HDAC8: variants seen among roughly 807,000 people sequenced by gnomAD.
HDAC8 encodes histone deacetylase 8.
Under a neutral mutation model 32.2 loss-of-function variants are expected in HDAC8, and 1 was observed. The ratio of observed to expected loss-of-function variants is 0.03; its 90% CI spans 0.01 to 0.15. The LOEUF (loss-of-function observed/expected upper bound fraction) is 0.15, where lower values mean the gene tolerates loss of function less well. Among genes scored for constraint, HDAC8 ranks in the 10% least tolerant of loss-of-function variants. The pLI is 1.00. For synonymous variants in HDAC8, 108 were observed against 113.9 expected, an observed-to-expected ratio of 0.95 and a Z score of 0.33; for missense variants, 117 against 300.0, an observed-to-expected ratio of 0.39 and a Z score of 4.51.
chrX:72,488,979 T>C lies in HDAC8; in HGVS notation c.691A>G (p.Ile231Val). The C allele has an allele frequency of 3.3e-6, 4 of 1,198,788 alleles. No individual in the cohort carries two copies. Among genetic ancestry groups the C allele is most frequent in the Non-Finnish European group, 4.5e-6 (4 of 889,399 alleles). ...KGRYYSVNVP[I>V]QDGIQDEKYY... Reference sequence around the variant, plus strand: ...TTTTCATCTTGTATGCCATCCTGAATGGGCACATTTACACTGTAGTACCGT... The same window carrying C: ...TTTTCATCTTGTATGCCATCCTGAACGGGCACATTTACACTGTAGTACCGT... Residue 231 changes from isoleucine (I) to valine (V), a missense_variant, in exon 7 of 11, where the codon ATT becomes GTT. Coordinates refer to ENST00000373573, the MANE Select transcript of HDAC8 (RefSeq NM_018486.3).
At chrX:72,435,608 T>C (rs1198652872) in intron 9 of HDAC8, among the ~76,000 whole-genome samples, 1 of 110,177 alleles carries the variant, frequency 9.1e-6, no homozygotes, top group African/African-American at 3.3e-5. Context: ...AGCTGAAAAA[T>C]ACAACAACCA....
At chrX:72,459,143 G>A (rs1357290417) in intron 9 of HDAC8, among the ~76,000 whole-genome samples, 1 of 111,855 alleles carries the variant, frequency 8.9e-6, no homozygotes. Context: ...TGTCCTGGAT[G>A]TGAGCACATT....
chrX:72,567,630 G>T, intron 4 of HDAC8: 1 of 701,967 alleles, frequency 1.4e-6, no homozygotes, highest in Non-Finnish European at 2.2e-6. Flanking sequence ...GAGGCCTAGG[G>T]AGGGTAATCA....
chrX:72,511,117 C>T (rs138655095), intron 4 of HDAC8, among the ~76,000 whole-genome samples: 415 of 111,272 alleles, frequency 3.7e-3, no homozygotes, highest in Middle Eastern at 0.014. Context: ...GTCCACTGTG[C>T]TTACTAAGGC....
At chrX:72,535,578 A>C (rs1556038795) in intron 4 of HDAC8, among the ~76,000 whole-genome samples, 1 of 111,819 alleles carries the variant, frequency 8.9e-6, no homozygotes, top group Admixed American at 9.5e-5. Flanking sequence ...ATGTTAGTGC[A>C]TAGACTGTGT....
intron 9 of HDAC8, among the ~76,000 whole-genome samples, chrX:72,391,612 C>T (rs1555963846): frequency 1.8e-5 from 2 of 111,746 alleles, no homozygotes; most frequent in African/African-American, 6.5e-5. Flanking sequence ...AATCCAAACT[C>T]AACATTAGTA....
At chrX:72,428,242 C>T (rs782711727) in intron 9 of HDAC8, among the ~76,000 whole-genome samples, 3 of 112,094 alleles carry the variant, frequency 2.7e-5, no homozygotes, top group Non-Finnish European at 5.6e-5. Flanking sequence ...TACAGGCATG[C>T]GCCACCACAC....
intron 5 of HDAC8, among the ~76,000 whole-genome samples, chrX:72,492,104 C>T (rs920427162): frequency 3.6e-5 from 4 of 111,590 alleles, no homozygotes; most frequent in Admixed American, 9.5e-5. Flanking sequence ...AAAAATAAAA[C>T]AAACAAAATA....
chrX:72,560,024 G>A (rs1228820413), intron 4 of HDAC8, among the ~76,000 whole-genome samples: 2 of 113,003 alleles, frequency 1.8e-5, no homozygotes, highest in Admixed American at 9.3e-5. Context: ...TGGGAAGTGA[G>A]GAGCCCCTCT....
intron 9 of HDAC8, among the ~76,000 whole-genome samples, chrX:72,357,219 G>A (rs782083366): frequency 3.7e-5 from 4 of 108,363 alleles, no homozygotes; most frequent in South Asian, 4.2e-4. Context: ...GAGAAGGTTC[G>A]GTGGTAGGGT....
At chrX:72,381,724 G>C (rs1209874330) in intron 9 of HDAC8, among the ~76,000 whole-genome samples, 3 of 112,362 alleles carry the variant, frequency 2.7e-5, no homozygotes, top group Middle Eastern at 4.2e-3. Context: ...CATTCATCAT[G>C]CTCAGATTCA....
chrX:72,463,040 G>A (rs1180716244), intron 8 of HDAC8, among the ~76,000 whole-genome samples: 2 of 111,554 alleles, frequency 1.8e-5, no homozygotes, highest in Non-Finnish European at 3.8e-5. Flanking sequence ...TATTTGAAAG[G>A]TCACGGATGC....
At chrX:72,537,241 T>C (rs1452906445) in intron 4 of HDAC8, among the ~76,000 whole-genome samples, 4 of 112,311 alleles carry the variant, frequency 3.6e-5, no homozygotes, top group East Asian at 2.8e-4. Context: ...TTCAAGTATA[T>C]GGCACAGATA....
intron 9 of HDAC8, among the ~76,000 whole-genome samples, chrX:72,410,690 C>T (rs782775915): frequency 2.7e-5 from 3 of 112,007 alleles, no homozygotes; most frequent in Non-Finnish European, 5.6e-5. Flanking sequence ...CTTGCCACTA[C>T]CCTAGTCCAG....
chrX:72,354,166 C>T (rs782737176), intron 9 of HDAC8, among the ~76,000 whole-genome samples: 3 of 112,263 alleles, frequency 2.7e-5, no homozygotes, highest in Admixed American at 9.4e-5. Context: ...CTGAGCGACA[C>T]GGTAGGCACA....
At chrX:72,436,139 G>A (rs1381638885) in intron 9 of HDAC8, among the ~76,000 whole-genome samples, 1 of 110,861 alleles carries the variant, frequency 9.0e-6, no homozygotes, top group Non-Finnish European at 1.9e-5. Context: ...GAAAGAAAGT[G>A]GCACTAAAAA....
At chrX:72,349,848 G>A (rs958313577) in intron 10 of HDAC8, among the ~76,000 whole-genome samples, 1 of 111,732 alleles carries the variant, frequency 8.9e-6, no homozygotes, top group African/African-American at 3.3e-5. Context: ...CACATATGGA[G>A]GTGTGAGCGA....
At chrX:72,387,230 G>A (rs1259764662) in intron 9 of HDAC8, among the ~76,000 whole-genome samples, 2 of 111,927 alleles carry the variant, frequency 1.8e-5, no homozygotes, top group Admixed American at 9.5e-5. Context: ...GGAGAAGCTG[G>A]GAGCCATGTA....
intron 10 of HDAC8, among the ~76,000 whole-genome samples, chrX:72,332,966 G>C (rs1555941130): frequency 8.9e-6 from 1 of 111,740 alleles, no homozygotes; most frequent in African/African-American, 3.3e-5. Context: ...ATATATTTTA[G>C]ATACAAATCT....
Sources: allele counts gnomAD v4.1 joint callset (sites outside exome capture counted in the v4.1 genomes callset), GRCh38; gene constraint gnomAD v4.1.1; transcripts MANE v1.5; gene names NCBI Gene and HGNC (gene_info 2026-07-23, HGNC 2026-07-21).